The following SCMH1 variants were observed in gnomAD, a reference collection of about 807,000 sequenced individuals.
SCMH1 encodes the protein Scm polycomb group protein homolog 1.
A neutral mutation model predicts 70.8 loss-of-function variants in SCMH1; 37 were observed. The ratio of observed to expected loss-of-function variants is 0.52; its 90% CI spans 0.40 to 0.69. The LOEUF is 0.69. Ranked by LOEUF, SCMH1 falls within the 30% of genes least tolerant of loss-of-function variation. SCMH1 has a pLI of 0.00. For synonymous variants in SCMH1, 292 were observed against 307.4 expected, an observed-to-expected ratio of 0.95 and a Z score of 0.52; for missense variants, 607 against 827.3, an observed-to-expected ratio of 0.73 and a Z score of 3.27.
At chr1:41,063,405 G>A (rs1210642569) in intron 10 of SCMH1, among the ~76,000 whole-genome samples, 1 of 151,940 alleles carries the variant, frequency 6.6e-6, no homozygotes, top group African/African-American at 2.4e-5. Context: ...CCTGGGAGGT[G>A]GAAGTTGCAG....
chr1:41,033,274 A>C (rs1644808989), intron 13 of SCMH1, among the ~76,000 whole-genome samples: 1 of 151,188 alleles, frequency 6.6e-6, no homozygotes, highest in South Asian at 2.1e-4. Flanking sequence ...TGACACAGTG[A>C]GAGACACTAT....
At chr1:41,241,743 G>A (rs1162339969) in intron 1 of SCMH1, among the ~76,000 whole-genome samples, 2 of 151,844 alleles carry the variant, frequency 1.3e-5, no homozygotes, top group African/African-American at 2.4e-5. Context: ...AAGGGCCCCC[G>A]GCCTTGGGTT....
chr1:41,233,145 C>G (rs1356581095), intron 1 of SCMH1, among the ~76,000 whole-genome samples: 1 of 152,104 alleles, frequency 6.6e-6, no homozygotes, highest in Non-Finnish European at 1.5e-5. Context: ...ATCACAGAAC[C>G]ACTGAGTGGC....
At chr1:41,155,984 C>CAAAA (rs386366781) in intron 4 of SCMH1, among the ~76,000 whole-genome samples, 2 of 74,624 alleles carry the variant, frequency 2.7e-5, no homozygotes, top group Non-Finnish European at 4.9e-5. Context: ...GACTCCGTCT[C>CAAAA]AAAAAAAAAA....
Position 41,186,270 on chromosome 1 carries a change from G to T in SCMH1, c.-117-20C>A. On this transcript the variant is annotated intron_variant, in intron 1 of 14. Transcript: ENST00000337495. ...CTCCATCTGTAAAAAAGGTAGGTGG[G>T]GAGGAAGGAGAAGAACATTTATTAC... The T allele has an allele frequency of 1.6e-6, 1 of 617,386 alleles. No homozygotes were observed. The allele number at this position is 617,386 out of a possible 1,614,324, so 38.2% of individuals were successfully genotyped here.
At chr1:41,199,186 C>A (rs989033091) in intron 1 of SCMH1, among the ~76,000 whole-genome samples, 2 of 152,022 alleles carry the variant, frequency 1.3e-5, no homozygotes, top group African/African-American at 4.8e-5. Flanking sequence ...CATTATTATC[C>A]AAAAGTGCAT....
chr1:41,107,443 T>C (rs1429345809), intron 8 of SCMH1, among the ~76,000 whole-genome samples: 1 of 151,932 alleles, frequency 6.6e-6, no homozygotes, highest in Non-Finnish European at 1.5e-5. Flanking sequence ...GGTGACCTCA[T>C]GTTGAGACCT....
intron 8 of SCMH1, among the ~76,000 whole-genome samples, chr1:41,107,237 C>T (rs1668174685): frequency 6.6e-6 from 1 of 151,872 alleles, no homozygotes; most frequent in African/African-American, 2.4e-5. Context: ...GATCTCCAAC[C>T]TCCAGTCCCC....
chr1:41,234,756 G>A (rs530371725), intron 1 of SCMH1, among the ~76,000 whole-genome samples: 1 of 151,888 alleles, frequency 6.6e-6, no homozygotes, highest in South Asian at 2.1e-4. Flanking sequence ...TTACAGGCAT[G>A]AGCCACCGCG....
intron 5 of SCMH1, among the ~76,000 whole-genome samples, chr1:41,145,094 T>C (rs1194911158): frequency 6.6e-6 from 1 of 152,158 alleles, no homozygotes; most frequent in Non-Finnish European, 1.5e-5. Flanking sequence ...TTTGATGAAG[T>C]TTAAATTATC....
chr1:41,168,885 A>G (rs1276147675), intron 2 of SCMH1, among the ~76,000 whole-genome samples: 1 of 151,864 alleles, frequency 6.6e-6, no homozygotes, highest in Non-Finnish European at 1.5e-5. Context: ...CCCCCACAAT[A>G]CCGTAGAGTA....
intron 3 of SCMH1, among the ~76,000 whole-genome samples, 161 bp downstream of exon 3, chr1:41,161,203 A>G (rs1174742786): frequency 6.6e-6 from 1 of 152,234 alleles, no homozygotes; most frequent in Non-Finnish European, 1.5e-5. Flanking sequence ...CAGCTAAAAC[A>G]AAGTATATTG....
chr1:41,106,279 T>TG (rs1667895106), intron 8 of SCMH1, among the ~76,000 whole-genome samples: 1 of 151,834 alleles, frequency 6.6e-6, no homozygotes, highest in African/African-American at 2.4e-5. Context: ...GTTTGGGTCA[T>TG]GGGGGTGGAT....
rs966981278 is a variant in SCMH1, at chr1:41,060,837, A to C, written c.1105+9758T>G. 5.3e-5 allele frequency among the ~76,000 whole-genome samples: 8 copies of C among 152,092 alleles called. No individual in the cohort carries two copies. In the East Asian group the frequency reaches 1.6e-3, roughly 30 times the overall value. On this transcript the variant is annotated intron_variant, in intron 10 of 14. Transcript: ENST00000337495. ...ATTTTTTAATTTTTATTTTTAGTAGAGAAGTCTTGCTACATTGTTGCCTAG... is the reference window on the plus strand; with the variant it reads ...ATTTTTTAATTTTTATTTTTAGTAGCGAAGTCTTGCTACATTGTTGCCTAG...
Position 41,070,858 on chromosome 1 carries a change from T to C in SCMH1, c.979-137A>G, listed in dbSNP as rs542159183. ...TTTTATCTTTGTTCTCTACACAGCA[T>C]CTGGCTTAAAGCTATACATATACCT... On this transcript the variant is annotated intron_variant, in intron 9 of 14. Coordinates refer to ENST00000337495, the Ensembl canonical transcript of SCMH1. The C allele has an allele frequency of 3.0e-5, 33 of 1,095,020 alleles. No homozygotes were observed. The East Asian group carries it at 8.3e-4, about 27-fold the overall frequency. The allele number at this position is 1,095,020 out of a possible 1,614,324, so 67.8% of individuals were successfully genotyped here. A position where few individuals can be genotyped will look rare whatever the true frequency, so the allele number is the denominator to read the frequency against.
chr1:41,188,616 G>A (rs946062939), intron 1 of SCMH1, among the ~76,000 whole-genome samples: 17 of 152,172 alleles, frequency 1.1e-4, no homozygotes, highest in Non-Finnish European at 1.9e-4. Flanking sequence ...TCTGGAAGTC[G>A]TTGAAAGAAG....
chr1:41,161,793 A>C (rs1646054709), intron 2 of SCMH1, among the ~76,000 whole-genome samples: 1 of 152,210 alleles, frequency 6.6e-6, no homozygotes, highest in African/African-American at 2.4e-5. Flanking sequence ...TATTCATGGA[A>C]TGATCACAAT....
At chr1:41,234,048 C>T (rs575192143) in intron 1 of SCMH1, among the ~76,000 whole-genome samples, 5 of 152,270 alleles carry the variant, frequency 3.3e-5, no homozygotes, top group African/African-American at 9.6e-5. Context: ...TGGCAGATTC[C>T]ACCCACTGAA....
At chr1:41,159,668 A>G in intron 4 of SCMH1, 1 of 1,488,832 alleles carries the variant, frequency 6.7e-7, no homozygotes, top group Non-Finnish European at 8.9e-7. Flanking sequence ...AGCTTGAGGA[A>G]AGTTTTAAAG....
Sources: gnomAD v4.1 joint callset for allele counts (sites outside exome capture counted in the v4.1 genomes callset) on GRCh38, gnomAD v4.1.1 for gene constraint, MANE v1.5 for transcripts, NCBI Gene and HGNC (gene_info 2026-07-23, HGNC 2026-07-21) for gene names.